The following DMGDH variants were observed in gnomAD, a reference collection of about 807,000 sequenced individuals.
DMGDH encodes the protein dimethylglycine dehydrogenase, mitochondrial.
Under a neutral mutation model 95.2 loss-of-function variants are expected in DMGDH, and 76 were observed. The observed-to-expected ratio is 0.80, with a 90% CI of 0.66 to 0.97. The LOEUF (loss-of-function observed/expected upper bound fraction) is 0.97. DMGDH is among the 50% of genes least tolerant of loss of function. The pLI is 0.00. For synonymous variants in DMGDH, 345 were observed against 377.6 expected, an observed-to-expected ratio of 0.91 and a Z score of 1.00; for missense variants, 987 against 1,055.0, an observed-to-expected ratio of 0.94 and a Z score of 0.89.
chr5:79,051,528 T>G, intron 4 of DMGDH, 37 bp from the exon 5 acceptor site: 1 of 1,548,992 alleles, frequency 6.5e-7, no homozygotes, highest in Non-Finnish European at 8.9e-7. Context: ...CTCAAATATA[T>G]ATATACTTAT....
chr5:79,021,709 GC>G, intron 14 of DMGDH: 1 of 1,293,106 alleles, frequency 7.7e-7, no homozygotes, highest in South Asian at 1.2e-5. Flanking sequence ...ATTAGTTACA[GC>G]AAAAACATGT....
intron 15 of DMGDH, among the ~76,000 whole-genome samples, chr5:78,998,897 G>C (rs1021102163): frequency 5.3e-5 from 8 of 151,926 alleles, no homozygotes; most frequent in Non-Finnish European, 1.0e-4. Context: ...AAAGGTTACT[G>C]GAAATCAGGT....
chr5:79,025,513 T>C (rs1394146163), intron 13 of DMGDH, among the ~76,000 whole-genome samples: 1 of 152,206 alleles, frequency 6.6e-6, no homozygotes, highest in African/African-American at 2.4e-5. Context: ...ATGCACTTTA[T>C]TATGTGCTTG....
intron 14 of DMGDH, among the ~76,000 whole-genome samples, chr5:79,009,323 A>G (rs1164453359): frequency 4.1e-5 from 6 of 147,582 alleles, no homozygotes; most frequent in Admixed American, 1.3e-4. Context: ...ATTGAAAGTA[A>G]GAAACACTTA....
At chr5:79,059,735 T>G (rs1755142401) in intron 2 of DMGDH, among the ~76,000 whole-genome samples, 1 of 152,214 alleles carries the variant, frequency 6.6e-6, no homozygotes, top group South Asian at 2.1e-4. Context: ...GGCAATTATT[T>G]CTCACCTACT....
chr5:79,003,814 G>A, intron 15 of DMGDH, among the ~76,000 whole-genome samples: 1 of 152,216 alleles, frequency 6.6e-6, no homozygotes, highest in Non-Finnish European at 1.5e-5. Flanking sequence ...AAGCATGGTG[G>A]CACGCACCTG....
intron 12 of DMGDH, among the ~76,000 whole-genome samples, chr5:79,027,842 T>TTAC (rs1754043483): frequency 7.8e-6 from 1 of 128,770 alleles, no homozygotes; most frequent in Non-Finnish European, 1.6e-5. Context: ...CCACTTTTCT[T>TTAC]TTTTTTTTTT....
intron 15 of DMGDH, among the ~76,000 whole-genome samples, chr5:79,003,571 T>C (rs531853284): frequency 6.6e-5 from 10 of 152,334 alleles, no homozygotes; most frequent in African/African-American, 2.4e-4. Context: ...GCGAAGGCAC[T>C]TGAGATCTGA....
intron 2 of DMGDH, among the ~76,000 whole-genome samples, chr5:79,059,713 T>G (rs547197587): frequency 1.3e-4 from 20 of 152,366 alleles, no homozygotes; most frequent in African/African-American, 4.8e-4. Flanking sequence ...CCAACAGGAC[T>G]ATTTTGCAAA....
chr5:79,052,018 A>G (rs936501999), intron 4 of DMGDH, among the ~76,000 whole-genome samples: 2 of 152,248 alleles, frequency 1.3e-5, no homozygotes, highest in Non-Finnish European at 2.9e-5. Flanking sequence ...AGCACCAAAT[A>G]CAAGCAAGGA....
rs116790112 is a variant in DMGDH at position 79,004,518 on chromosome 5, C to A, written c.2385+755G>T. Among the ~76,000 whole-genome samples the A allele has an allele frequency of 2.5e-3, 378 of 152,312 alleles. 1 individual carries two copies. Among genetic ancestry groups the A allele is most frequent in the African/African-American group, 8.4e-3 (351 of 41,558 alleles). ...ATGAGCTTTGAAGGCTCCATTCCCT[C>A]CCCATGGTCTAAGCTGGGTGTCCCA... On this transcript the variant is annotated intron_variant, in intron 15 of 15. Transcript: ENST00000255189.
At chr5:79,064,279 G>A (rs1348867790) in intron 1 of DMGDH, among the ~76,000 whole-genome samples, 1 of 152,070 alleles carries the variant, frequency 6.6e-6, no homozygotes, top group East Asian at 1.9e-4. Context: ...CTTGAGCCTA[G>A]GAGGTTGAAG....
intron 13 of DMGDH, among the ~76,000 whole-genome samples, 161 bp downstream of exon 13, chr5:79,026,263 A>G (rs999821583): frequency 8.5e-5 from 13 of 152,234 alleles, no homozygotes; most frequent in African/African-American, 3.1e-4. Flanking sequence ...TCACTTGAGA[A>G]ATTAAGGAGA....
chr5:79,044,547 A>C lies in DMGDH; in HGVS notation c.751T>G (p.Trp251Gly), dbSNP rs750485201. Residue 251 changes from tryptophan (W) to glycine (G), a missense_variant, in exon 6 of 16, where the codon TGG becomes GGG. Coordinates refer to ENST00000255189, the MANE Select transcript of DMGDH (RefSeq NM_013391.3). The part of the protein sequence containing the change: ...ANRIVNAAGF[W>G]AREVGKMIGL... ...ATCATTTTACCTACTTCACGAGCCC[A>C]AAATCCTTAAACAAAAAAATCATTT... 62 of 1,613,844 alleles carry C rather than the reference A, an allele frequency of 3.8e-5. 1 individual carries two copies. In the South Asian group the frequency reaches 6.7e-4, roughly 17 times the overall value.
chr5:79,031,231 G>A (rs968142858), intron 9 of DMGDH, among the ~76,000 whole-genome samples: 4 of 152,190 alleles, frequency 2.6e-5, no homozygotes, highest in African/African-American at 4.8e-5. Flanking sequence ...TTCTCAGTGA[G>A]TAAAGTGCTG....
intron 12 of DMGDH, 50 bp downstream of exon 12, chr5:79,028,383 T>A: frequency 6.8e-7 from 1 of 1,478,436 alleles, no homozygotes; most frequent in Non-Finnish European, 9.4e-7. Context: ...AAATTTTAAA[T>A]TGACCTTTTA....
intron 9 of DMGDH, 145 bp from the exon 10 acceptor site, chr5:79,031,143 T>G: frequency 1.3e-6 from 1 of 789,682 alleles, no homozygotes; most frequent in Non-Finnish European, 2.1e-6. Flanking sequence ...CCATGCAACC[T>G]GAAATTCTGT....
rs536605144 is a variant in DMGDH, at chr5:79,028,372, T to A, written c.2032+61A>T. On this transcript the variant is annotated intron_variant, in intron 12 of 15. Coordinates refer to ENST00000255189, the MANE Select transcript of DMGDH (RefSeq NM_013391.3). ...GACATGACCTTTTAATTTTAAATTT[T>A]AAATTTTAAATTGACCTTTTAAATT... 2.2e-4 allele frequency: 313 copies of A among 1,403,798 alleles called. 2 individuals are homozygous for A. In the African/African-American group the frequency reaches 3.9e-3, roughly 17 times the overall value. 87.0% of individuals were successfully genotyped at this position (1,403,798 alleles called of 1,614,324 possible).
rs1185766339 is a variant in DMGDH at position 79,032,682 on chromosome 5, C to T, written c.1517+5G>A. ...AACCACAGGCAGGTAAAGTCCTTCT[C>T]CCACCTGTACTGAGTGTCCTGGCCT... On this transcript the variant is annotated splice_donor_5th_base_variant and intron_variant, in intron 9 of 15. Transcript: ENST00000255189. The T allele has an allele frequency of 7.4e-6, 12 of 1,614,114 alleles. No homozygotes were observed. Among genetic ancestry groups the T allele is most frequent in the African/African-American group, 2.7e-5 (2 of 75,036 alleles).
Sources: allele counts gnomAD v4.1 joint callset (sites outside exome capture counted in the v4.1 genomes callset), GRCh38; gene constraint gnomAD v4.1.1; transcripts MANE v1.5; gene names NCBI Gene and HGNC (gene_info 2026-07-23, HGNC 2026-07-21).